PRPF38B: variants seen among roughly 807,000 people sequenced by gnomAD.
The protein encoded by PRPF38B is pre-mRNA-splicing factor 38B.
PRPF38B carries 18 observed loss-of-function variants against 67.2 expected under a neutral mutation model. The observed-to-expected ratio is 0.27, with a 90% CI of 0.19 to 0.40. The LOEUF is 0.40. Ranked by LOEUF, PRPF38B falls within the 10% of genes least tolerant of loss-of-function variation. The pLI is 1.00. For synonymous variants in PRPF38B, 246 were observed against 234.2 expected (o/e 1.05, Z -0.46); for missense variants, 544 against 684.9 (o/e 0.79, Z 2.30).
chr1:108,694,004 T>G (rs1659604229), intron 1 of PRPF38B, among the ~76,000 whole-genome samples: 1 of 152,238 alleles, frequency 6.6e-6, no homozygotes, highest in African/African-American at 2.4e-5. Flanking sequence ...CATTCTCTTT[T>G]GTCTTGCCCA....
chr1:108,698,873 A>G, intron 5 of PRPF38B, 46 bp downstream of exon 5: 1 of 1,505,510 alleles, frequency 6.6e-7, no homozygotes, highest in Non-Finnish European at 9.1e-7. Context: ...TATGCTTTAT[A>G]CAAAATTAAT....
At chr1:108,698,381 G>C (rs536538661) in intron 4 of PRPF38B, 182 of 454,908 alleles carry the variant, frequency 4.0e-4, no homozygotes, top group Middle Eastern at 3.5e-3. Flanking sequence ...AGTGAGATCA[G>C]TTCCCTTTAT....
At chr1:108,698,195 C>T (rs1437736689) in intron 4 of PRPF38B, 1 of 154,632 alleles carries the variant, frequency 6.5e-6, no homozygotes, top group Non-Finnish European at 1.4e-5. Flanking sequence ...AAAAGATAAC[C>T]TTTAGACAGG....
In PRPF38B at chr1:108,692,369, T is replaced by G; in HGVS notation, c.-223T>G. 1.8e-6 allele frequency: 1 copy of G among 568,800 alleles called. No homozygotes were observed. Among genetic ancestry groups the G allele is most frequent in the South Asian group, 2.3e-5 (1 of 44,358 alleles). The allele number at this position is 568,800 out of a possible 1,614,324, so 35.2% of individuals were successfully genotyped here. ...GAGCTCCCTGGCTGCCGGCTCGCCTTCTGCGTGGAGTTCTCGCGGTCTGGG... is the reference window on the plus strand; with the variant it reads ...GAGCTCCCTGGCTGCCGGCTCGCCTGCTGCGTGGAGTTCTCGCGGTCTGGG... On this transcript the variant is annotated 5_prime_UTR_variant, in exon 1 of 6. Transcript: ENST00000370025.
rs113825005 is a variant in PRPF38B at position 108,695,147 on chromosome 1, A to C, written c.277-555A>C. On this transcript the variant is annotated intron_variant, in intron 1 of 5. Transcript: ENST00000370025. Reference sequence around the variant, plus strand: ...GTTCCATAATTTTGCATCACAAGTAACTCGTTACTGTTTTAGAAAATTTTC... The same window carrying C: ...GTTCCATAATTTTGCATCACAAGTACCTCGTTACTGTTTTAGAAAATTTTC... Among the ~76,000 whole-genome samples the C allele has an allele frequency of 3.2e-3, 480 of 152,212 alleles. 2 individuals are homozygous for C. Among genetic ancestry groups the C allele is most frequent in the African/African-American group, 0.011 (449 of 41,536 alleles).
At chr1:108,693,119 C>T (rs374753438) in intron 1 of PRPF38B, among the ~76,000 whole-genome samples, 30 of 152,300 alleles carry the variant, frequency 2.0e-4, no homozygotes, top group African/African-American at 5.3e-4. Flanking sequence ...TCCTGCCCAC[C>T]CCTGGGGGGA....
chr1:108,696,475 G>T, intron 4 of PRPF38B, 138 bp downstream of exon 4: 2 of 751,146 alleles, frequency 2.7e-6, no homozygotes, highest in Non-Finnish European at 4.3e-6. Flanking sequence ...TGGAATTAAT[G>T]TCCTTTTACT....
chr1:108,697,642 A>G (rs1324041309), intron 4 of PRPF38B: 1 of 151,588 alleles, frequency 6.6e-6, no homozygotes, highest in Non-Finnish European at 1.5e-5. Context: ...TCTTTAGATC[A>G]GTTTTTCAGA....
Position 108,692,455 on chromosome 1 carries a change from A to C in PRPF38B, c.-137A>C, listed in dbSNP as rs1207269446. On this transcript the variant is annotated 5_prime_UTR_variant, in exon 1 of 6. Coordinates refer to ENST00000370025, the MANE Select transcript of PRPF38B (RefSeq NM_018061.4). ...CGGCGTCGGGTGCCCTCTCTTGCCC[A>C]GCTGGGGCACAGCGAGGCGGCCCCT... is the stretch of plus-strand genomic sequence containing the variant. The C allele has an allele frequency of 1.9e-6, 2 of 1,072,494 alleles. No individual in the cohort carries two copies. Among genetic ancestry groups the C allele is most frequent in the Non-Finnish European group, 2.6e-6 (2 of 769,654 alleles). The allele number at this position is 1,072,494 out of a possible 1,614,324, so 66.4% of individuals were successfully genotyped here.
Position 108,698,596 on chromosome 1 carries a change from T to G in PRPF38B, c.559-8T>G. On this transcript the variant is annotated splice_region_variant and splice_polypyrimidine_tract_variant and intron_variant, in intron 4 of 5. Transcript: ENST00000370025. ...TTGACGGCTAGGGTATCTTTTGTGT[T>G]TCTGTAGGACCTAGATGTGAAGGCT... 6.3e-7 allele frequency: 1 copy of G among 1,577,590 alleles called. No homozygotes were observed. Among genetic ancestry groups the G allele is most frequent in the Non-Finnish European group, 8.7e-7 (1 of 1,153,142 alleles).
In PRPF38B at chr1:108,699,650, AAC is replaced by A. The variant is rs1170808261; in HGVS notation, c.1275_1276del (p.His425GlnfsTer2). On this transcript the variant is annotated frameshift_variant, in exon 6 of 6. Transcript: ENST00000370025. LOFTEE classifies it high-confidence loss of function. ...AAAAGAGATTCCAAGAAAGAGAAAAAACACAGTAGAAGCAGAAGCAGAGAAAG... is the reference window on the plus strand; with the variant it reads ...AAAAGAGATTCCAAGAAAGAGAAAAAACAGTAGAAGCAGAAGCAGAGAAAG... The A allele has an allele frequency of 1.9e-6, 3 of 1,566,988 alleles. No homozygotes were observed. Among genetic ancestry groups the A allele is most frequent in the East Asian group, 2.4e-5 (1 of 41,722 alleles).
chr1:108,692,445 T>C lies in PRPF38B; in HGVS notation c.-147T>C. 1.0e-6 allele frequency: 1 copy of C among 968,182 alleles called. No homozygotes were observed. The highest frequency in any genetic ancestry group is 1.5e-6 in the Non-Finnish European group (1 of 676,894). 60.0% of individuals were successfully genotyped at this position (968,182 alleles called of 1,614,324 possible). On this transcript the variant is annotated 5_prime_UTR_variant, in exon 1 of 6. Transcript: ENST00000370025. ...GTCATTTTGTCGGCGTCGGGTGCCC[T>C]CTCTTGCCCAGCTGGGGCACAGCGA...
Position 108,700,635 on chromosome 1 carries a change from C to T in PRPF38B, c.*615C>T, listed in dbSNP as rs1660390738. 1 of 152,588 alleles carries T rather than the reference C, an allele frequency of 6.6e-6. No individual in the cohort carries two copies. Among genetic ancestry groups the T allele is most frequent in the Non-Finnish European group, 1.5e-5 (1 of 68,000 alleles). The allele number at this position is 152,588 out of a possible 1,614,324, so 9.5% of individuals were successfully genotyped here. A position where few individuals can be genotyped will look rare whatever the true frequency, so the allele number is the denominator to read the frequency against. ...ATTTATGAGAAGTTAGTTTCTGATG[C>T]AGAGGTTTTTAGGCTGTGATTTCAT... On this transcript the variant is annotated 3_prime_UTR_variant, in exon 6 of 6. Transcript: ENST00000370025.
chr1:108,702,622 C>A lies in PRPF38B; in HGVS notation c.*2602C>A, dbSNP rs754352731. 6.6e-6 allele frequency among the ~76,000 whole-genome samples: 1 copy of A among 151,952 alleles called. No individual in the cohort carries two copies. Among genetic ancestry groups the A allele is most frequent in the African/African-American group, 2.4e-5 (1 of 41,352 alleles). ...AGAACATTTGGACACGAACATCACA[C>A]GCCGGGGCCTGTTGTGGGGTGGGGG... On this transcript the variant is annotated 3_prime_UTR_variant, in exon 6 of 6. Transcript: ENST00000370025.
intron 1 of PRPF38B, among the ~76,000 whole-genome samples, chr1:108,693,305 A>G (rs1659518203): frequency 6.6e-6 from 1 of 151,118 alleles, no homozygotes; most frequent in Admixed American, 6.6e-5. Flanking sequence ...TGTTGTTGGT[A>G]CTCACTATCC....
chr1:108,698,731 T>G lies in PRPF38B; in HGVS notation c.686T>G (p.Ile229Ser). ...ATTCCAGTTCCAGTTCAAAAGAATA[T>G]TGATCAACAGATTAAAACCCGACCT... Reference protein sequence around the residue: ...PRIPVPVQKNIDQQIKTRPRK... With the variant: ...PRIPVPVQKNSDQQIKTRPRK... Residue 229 changes from isoleucine (I) to serine (S), a missense_variant, in exon 5 of 6, where the codon ATT becomes AGT. Ile to Ser is a moderately radical substitution (Grantham distance 142, BLOSUM62 -2). Coordinates refer to ENST00000370025, the MANE Select transcript of PRPF38B (RefSeq NM_018061.4). 6.2e-7 allele frequency: 1 copy of G among 1,613,900 alleles called. No individual in the cohort carries two copies. Among genetic ancestry groups the G allele is most frequent in the Non-Finnish European group, 8.5e-7 (1 of 1,179,910 alleles).
rs1281817272 is a variant in PRPF38B at position 108,700,763 on chromosome 1, CT to C, written c.*750del. ...TTTGAAAAAATACATGACATGTAAT[CT>C]TTTTTTCTTGAATTCTTTCTCAGAT... is the stretch of plus-strand genomic sequence containing the variant. On this transcript the variant is annotated 3_prime_UTR_variant, in exon 6 of 6. Coordinates refer to ENST00000370025, the MANE Select transcript of PRPF38B (RefSeq NM_018061.4). 3 of 152,444 alleles carry C rather than the reference CT, an allele frequency of 2.0e-5. No individual in the cohort carries two copies. The highest frequency in any genetic ancestry group is 7.2e-5 in the African/African-American group (3 of 41,394). 9.4% of individuals were successfully genotyped at this position (152,444 alleles called of 1,614,324 possible).
intron 4 of PRPF38B, 35 bp from the exon 5 acceptor site, chr1:108,698,565 CTTTT>C (rs577281211): frequency 2.8e-6 from 4 of 1,420,408 alleles, no homozygotes; most frequent in Non-Finnish European, 3.9e-6. Context: ...TATGGAAATA[CTTTT>C]TTTGACGGCT....
At position 108,699,204 on chromosome 1, in the gene PRPF38B, G is replaced by T. The variant is rs1660182552; in HGVS notation, c.825G>T (p.Arg275Ser). Reference protein sequence around the residue: ...RSLSPRRSPRRSRSRSHHREG... With the variant: ...RSLSPRRSPRSSRSRSHHREG... ...TGAGTCCACGGAGGTCCCCAAGAAGGTCAAGAAGTAGAAGTCATCATCGGG... is the reference window on the plus strand; with the variant it reads ...TGAGTCCACGGAGGTCCCCAAGAAGTTCAAGAAGTAGAAGTCATCATCGGG... Residue 275 changes from arginine (R) to serine (S), a missense_variant, in exon 6 of 6, where the codon AGG becomes AGT. This residue lies in a region of PRPF38B where 387 missense variants were observed against 386.1 expected (regional missense o/e 1.00). Coordinates refer to ENST00000370025, the MANE Select transcript of PRPF38B (RefSeq NM_018061.4). The T allele has an allele frequency of 6.2e-7, 1 of 1,613,916 alleles. No individual in the cohort carries two copies. Among genetic ancestry groups the T allele is most frequent in the South Asian group, 1.1e-5 (1 of 91,068 alleles).
Sources: gnomAD v4.1 joint callset for allele counts (sites outside exome capture counted in the v4.1 genomes callset) on GRCh38, gnomAD v4.1.1 for gene constraint, gnomAD v4.1.1 regional missense constraint, MANE v1.5 for transcripts, NCBI Gene and HGNC (gene_info 2026-07-23, HGNC 2026-07-21) for gene names.